The following CACNA1I variants were observed in gnomAD, a reference collection of about 807,000 sequenced individuals.
CACNA1I encodes the protein voltage-dependent T-type calcium channel subunit alpha-1I.
CACNA1I carries 74 observed loss-of-function variants against 201.6 expected under a neutral mutation model. The observed-to-expected ratio is 0.37, with a 90% CI of 0.30 to 0.45. The LOEUF (loss-of-function observed/expected upper bound fraction) is 0.45, where lower values mean the gene tolerates loss of function less well. Among genes scored for constraint, CACNA1I ranks in the 20% least tolerant of loss-of-function variants. The probability of loss-of-function intolerance (pLI) is 1.00; values close to 1 mark genes in which losing one functional copy is unlikely to be tolerated. For synonymous variants in CACNA1I, 1,431 were observed against 1,345.2 expected, an observed-to-expected ratio of 1.06 and a Z score of -1.40; for missense variants, 2,346 against 3,138.1, an observed-to-expected ratio of 0.75 and a Z score of 6.03.
rs1934922640 is a variant in CACNA1I at position 39,659,311 on chromosome 22, G to A, written c.2331-122G>A. 1 of 931,706 alleles carries A rather than the reference G, an allele frequency of 1.1e-6. No individual in the cohort carries two copies. The highest frequency in any genetic ancestry group is 1.7e-6 in the Non-Finnish European group (1 of 604,282). The allele number at this position is 931,706 out of a possible 1,614,324, so 57.7% of individuals were successfully genotyped here. On this transcript the variant is annotated intron_variant, in intron 12 of 36. Coordinates refer to ENST00000402142, the MANE Select transcript of CACNA1I (RefSeq NM_021096.4). The surrounding 1 kb of genome is among the most constrained non-coding windows in gnomAD (Gnocchi z 4.3). The stretch of plus-strand genomic sequence containing the variant: ...GCCTCAGTGTTCATCTCTGTAAAAT[G>A]GGACCAACGCTGCCCCGCCTCCCCC...
intron 4 of CACNA1I, among the ~76,000 whole-genome samples, chr22:39,631,540 G>C (rs971974980): frequency 2.6e-5 from 4 of 152,236 alleles, no homozygotes; most frequent in Admixed American, 1.3e-4. Context: ...GTGAGAATCA[G>C]GGAGGACTGC....
chr22:39,685,515 C>G lies in CACNA1I; in HGVS notation c.6028-246C>G, dbSNP rs1172409550. ...GGAGTGAGCCTGGAGCCTTCTGTGA[C>G]GGGCAGGGCCGGGTCTGACCTGGGT... On this transcript the variant is annotated intron_variant, in intron 36 of 36. Transcript: ENST00000402142. This position sits in a 1 kb window ranked among gnomAD's most constrained non-coding sequence, Gnocchi z 5.0. 6.6e-6 allele frequency among the ~76,000 whole-genome samples: 1 copy of G among 151,136 alleles called. No homozygotes were observed. Among genetic ancestry groups the G allele is most frequent in the Non-Finnish European group, 1.5e-5 (1 of 67,754 alleles).
Position 39,662,435 on chromosome 22 carries a change from C to T in CACNA1I, c.3372C>T (p.Tyr1124=), listed in dbSNP as rs987798281. ...GGGAGGATGAGGAGGAAATCGACTA[C>T]GTGAGTGGGGGCGGGGCCGAAGGGG... The part of the protein sequence containing the change: ...DRGEDEEEID[Y]TLCFRVRKMI... The change falls in exon 17 of 37, where the codon TAC becomes TAT. Residue 1124 remains tyrosine, a splice_region_variant and synonymous_variant. Coordinates refer to ENST00000402142, the MANE Select transcript of CACNA1I (RefSeq NM_021096.4). 22 of 1,435,614 alleles carry T rather than the reference C, an allele frequency of 1.5e-5. No individual in the cohort carries two copies. Among genetic ancestry groups the T allele is most frequent in the African/African-American group, 9.0e-5 (6 of 66,800 alleles). The allele number at this position is 1,435,614 out of a possible 1,614,324, so 88.9% of individuals were successfully genotyped here.
intron 1 of CACNA1I, among the ~76,000 whole-genome samples, chr22:39,577,489 G>A (rs147234290): frequency 3.5e-4 from 53 of 152,346 alleles, no homozygotes; most frequent in Non-Finnish European, 5.9e-4. Context: ...CTTGTGCTGC[G>A]CGTGACGAGG....
intron 23 of CACNA1I, 30 bp from the exon 24 acceptor site, chr22:39,668,262 C>T (rs762740566): frequency 3.6e-6 from 5 of 1,407,864 alleles, no homozygotes; most frequent in Non-Finnish European, 5.0e-6. Flanking sequence ...CAGTCCTCAC[C>T]CCTGCATTCC....
intron 10 of CACNA1I, among the ~76,000 whole-genome samples, chr22:39,651,700 G>A (rs1245102978): frequency 2.0e-5 from 3 of 152,336 alleles, no homozygotes; most frequent in South Asian, 2.1e-4. Flanking sequence ...CTTGCCAGGG[G>A]CTTGCTGGAG....
chr22:39,649,447 T>TG lies in CACNA1I; in HGVS notation c.1568-52dup. ...GCGCACTCAGGGATGTGTCCCAGGGTGGATTGGGCCTGGTGTGGGCAACGA... is the reference window on the plus strand; with the variant it reads ...GCGCACTCAGGGATGTGTCCCAGGGTGGGATTGGGCCTGGTGTGGGCAACGA... On this transcript the variant is annotated intron_variant, in intron 9 of 36. Transcript: ENST00000402142. This position sits in a 1 kb window ranked among gnomAD's most constrained non-coding sequence, Gnocchi z 7.3. The TG allele has an allele frequency of 6.8e-7, 1 of 1,479,042 alleles. No homozygotes were observed. Among genetic ancestry groups the TG allele is most frequent in the Non-Finnish European group, 9.0e-7 (1 of 1,106,252 alleles). The allele number at this position is 1,479,042 out of a possible 1,614,324, so 91.6% of individuals were successfully genotyped here.
chr22:39,585,727 G>T (rs1055680573), intron 1 of CACNA1I, among the ~76,000 whole-genome samples: 243 of 83,838 alleles, frequency 2.9e-3, no homozygotes, highest in Middle Eastern at 0.018. Context: ...AACTTTTAAA[G>T]TTTTTTTTTT....
Position 39,679,706 on chromosome 22 carries a change from G to T in CACNA1I, c.5395-16G>T. On this transcript the variant is annotated splice_polypyrimidine_tract_variant and intron_variant, in intron 32 of 36. Transcript: ENST00000402142. ...TGATAATCCCGCCTGTCCCCACCCC[G>T]TCCCCGTCCGCCTAGGAGAACCTGT... 4.0e-6 allele frequency: 6 copies of T among 1,502,616 alleles called. No homozygotes were observed. Among genetic ancestry groups the T allele is most frequent in the Non-Finnish European group, 5.4e-6 (6 of 1,110,124 alleles). 93.1% of individuals were successfully genotyped at this position (1,502,616 alleles called of 1,614,324 possible).
At chr22:39,577,062 C>T (rs1187365406) in intron 1 of CACNA1I, among the ~76,000 whole-genome samples, 3 of 152,164 alleles carry the variant, frequency 2.0e-5, no homozygotes, top group African/African-American at 7.2e-5. Context: ...AGTTATTCTC[C>T]TGCCTCAGCC....
In CACNA1I at chr22:39,606,812, A is replaced by T. The variant is rs1207525720; in HGVS notation, c.482+6159A>T. Among the ~76,000 whole-genome samples the T allele has an allele frequency of 2.6e-5, 4 of 152,268 alleles. No homozygotes were observed. The East Asian group carries it at 7.7e-4, about 29-fold the overall frequency. The stretch of plus-strand genomic sequence containing the variant: ...CTCCCGAAGTGCTGGGATTACAGGC[A>T]TGAGTCACTATGTCTGGCCAATCCC... On this transcript the variant is annotated intron_variant, in intron 3 of 36. Transcript: ENST00000402142.
rs764948325 is a variant in CACNA1I, at chr22:39,659,743, C to G, written c.2495C>G (p.Ala832Gly). The change falls in exon 14 of 37, where the codon GCC (alanine) becomes GGC (glycine). Residue 832 changes from alanine to glycine, a missense_variant. Around this residue, in one of 13 missense-constraint regions of CACNA1I, gnomAD observed 155 missense variants for 300.8 expected, o/e 0.52. Transcript: ENST00000402142. The surrounding 1 kb of genome is among the most constrained non-coding windows in gnomAD (Gnocchi z 4.3). ...DWNVVLYNGM[A>G]STSPWASLYF... ...AACGTCGTTCTCTACAATGGCATGG[C>G]CTCCACTTCTCCCTGGGCCTCCCTC... The G allele has an allele frequency of 2.5e-6, 4 of 1,613,904 alleles. No individual in the cohort carries two copies. The highest frequency in any genetic ancestry group is 3.4e-6 in the Non-Finnish European group (4 of 1,179,852).
intron 20 of CACNA1I, 25 bp downstream of exon 20, chr22:39,664,184 C>T (rs773130436): frequency 6.3e-7 from 1 of 1,596,246 alleles, no homozygotes; most frequent in Non-Finnish European, 8.6e-7. Context: ...CACCCGGGAC[C>T]CCTGCTAGCC....
In CACNA1I at chr22:39,679,854, C is replaced by T; in HGVS notation, c.5527C>T (p.His1843Tyr). The T allele has an allele frequency of 6.2e-7, 1 of 1,612,294 alleles. No individual in the cohort carries two copies. The highest frequency in any genetic ancestry group is 8.5e-7 in the Non-Finnish European group (1 of 1,179,316). ...GCCTGCCGGCTGCAAGAAGTGTCAC[C>T]ACGACAAGCAAGAGGTAATGGCAGC... ...SSPAGCKKCH[H>Y]DKQEVQLAET... Residue 1843 changes from histidine to tyrosine, a missense_variant, in exon 33 of 37, where the codon CAC becomes TAC. Physicochemically the swap from His to Tyr is moderately conservative, Grantham distance 83. This residue lies in a region of CACNA1I where 441 missense variants were observed against 555.6 expected (regional missense o/e 0.79). Coordinates refer to ENST00000402142, the MANE Select transcript of CACNA1I (RefSeq NM_021096.4).
intron 3 of CACNA1I, among the ~76,000 whole-genome samples, chr22:39,608,328 C>T (rs1933281676): frequency 6.6e-6 from 1 of 151,890 alleles, no homozygotes. Flanking sequence ...TCACCCAGTC[C>T]AGTGGTGTGT....
chr22:39,583,614 C>A (rs1802012457), intron 1 of CACNA1I, among the ~76,000 whole-genome samples: 1 of 152,196 alleles, frequency 6.6e-6, no homozygotes. Context: ...TACCCAAAAC[C>A]CTATTTACAC....
rs1935842297 is a variant in CACNA1I, at chr22:39,685,758, C to T, written c.6028-3C>T. On this transcript the variant is annotated splice_region_variant and splice_polypyrimidine_tract_variant and intron_variant, in intron 36 of 36. Coordinates refer to ENST00000402142, the MANE Select transcript of CACNA1I (RefSeq NM_021096.4). This position sits in a 1 kb window ranked among gnomAD's most constrained non-coding sequence, Gnocchi z 5.0. ...GGCCTCCACGGCTCCCACCTCCCCCCAGGCCACCGGGAGCGACACGTCGCT... is the reference window on the plus strand; with the variant it reads ...GGCCTCCACGGCTCCCACCTCCCCCTAGGCCACCGGGAGCGACACGTCGCT... 1.4e-6 allele frequency: 2 copies of T among 1,475,160 alleles called. No individual in the cohort carries two copies. The highest frequency in any genetic ancestry group is 1.8e-6 in the Non-Finnish European group (2 of 1,120,946). The allele number at this position is 1,475,160 out of a possible 1,614,324, so 91.4% of individuals were successfully genotyped here. A position where few individuals can be genotyped will look rare whatever the true frequency, so the allele number is the denominator to read the frequency against.
At chr22:39,664,980 A>C in intron 21 of CACNA1I, 57 bp downstream of exon 21, 1 of 1,548,642 alleles carries the variant, frequency 6.5e-7, no homozygotes, top group Non-Finnish European at 8.8e-7. Flanking sequence ...CCGAGAAGCC[A>C]CGGGTCGAAT....
rs779293821 is a variant in CACNA1I, at chr22:39,660,393, T to G, written c.2654T>G (p.Ile885Arg). ...GACGAGGACCAGAGCTCATCCAACATAGAAGAGTTTGATAAGCTCCAGGAA... is the reference window on the plus strand; with the variant it reads ...GACGAGGACCAGAGCTCATCCAACAGAGAAGAGTTTGATAAGCTCCAGGAA... ...YSDEDQSSSN[I>R]EEFDKLQEGL... Residue 885 changes from isoleucine (I) to arginine (R), a missense_variant, in exon 15 of 37, where the codon ATA becomes AGA. By Grantham distance (97) the Ile-to-Arg change is moderately conservative. This residue lies in a region of CACNA1I where 92 missense variants were observed against 114.5 expected (regional missense o/e 0.80). Coordinates refer to ENST00000402142, the MANE Select transcript of CACNA1I (RefSeq NM_021096.4). 14 of 1,612,518 alleles carry G rather than the reference T, an allele frequency of 8.7e-6. No homozygotes were observed. In the African/African-American group the frequency reaches 1.2e-4, roughly 14 times the overall value.
Sources: gnomAD v4.1 joint callset for allele counts (sites outside exome capture counted in the v4.1 genomes callset) on GRCh38, gnomAD v4.1.1 for gene constraint, gnomAD v4.1.1 regional missense constraint, Gnocchi (gnomAD v3.1) non-coding constraint, MANE v1.5 for transcripts, NCBI Gene and HGNC (gene_info 2026-07-23, HGNC 2026-07-21) for gene names.